The following HECW1 variants were observed in gnomAD, a reference collection of about 807,000 sequenced individuals.
The protein encoded by HECW1 is E3 ubiquitin-protein ligase HECW1.
HECW1 carries 61 observed loss-of-function variants against 182.3 expected under a neutral mutation model. The observed-to-expected ratio is 0.33, with a 90% CI of 0.27 to 0.41. The LOEUF (loss-of-function observed/expected upper bound fraction) is 0.41, where lower values mean the gene tolerates loss of function less well. HECW1 is among the 10% of genes least tolerant of loss of function. The pLI is 1.00. For missense variants in HECW1, 1,739 were observed against 2,108.9 expected, an observed-to-expected ratio of 0.82 and a Z score of 3.44; for synonymous variants, 859 against 832.6, an observed-to-expected ratio of 1.03 and a Z score of -0.55.
chr7:43,278,898 C>T (rs1803525361), intron 3 of HECW1, among the ~76,000 whole-genome samples: 5 of 152,214 alleles, frequency 3.3e-5, no homozygotes, highest in Admixed American at 2.6e-4. Flanking sequence ...ATTTACCTAA[C>T]TGTCTTGTTT....
intron 3 of HECW1, among the ~76,000 whole-genome samples, chr7:43,288,301 G>A (rs1009168095): frequency 2.0e-5 from 3 of 152,162 alleles, no homozygotes; most frequent in African/African-American, 4.8e-5. Context: ...AAGTGACACT[G>A]TCAAAATCCG....
At chr7:43,426,068 CT>C (rs1259236707) in intron 8 of HECW1, among the ~76,000 whole-genome samples, 1 of 152,052 alleles carries the variant, frequency 6.6e-6, no homozygotes, top group Non-Finnish European at 1.5e-5. Flanking sequence ...TCAAAATTTT[CT>C]TGCTAACAAG....
chr7:43,287,013 G>T (rs1239438340), intron 3 of HECW1, among the ~76,000 whole-genome samples: 1 of 152,124 alleles, frequency 6.6e-6, no homozygotes, highest in African/African-American at 2.4e-5. Context: ...ATGATGGTTG[G>T]GGGTAGCGGG....
At chr7:43,227,651 T>C (rs1235787945) in intron 2 of HECW1, among the ~76,000 whole-genome samples, 1 of 152,244 alleles carries the variant, frequency 6.6e-6, no homozygotes, top group Non-Finnish European at 1.5e-5. Flanking sequence ...ATTGACATTT[T>C]TTCTTACTTG....
intron 5 of HECW1, among the ~76,000 whole-genome samples, chr7:43,344,665 G>A (rs1813445247): frequency 6.6e-6 from 1 of 152,046 alleles, no homozygotes; most frequent in Non-Finnish European, 1.5e-5. Flanking sequence ...CTATCTGCTA[G>A]TATCCTGTGT....
intron 2 of HECW1, among the ~76,000 whole-genome samples, chr7:43,165,964 A>G (rs1259705546): frequency 2.0e-5 from 3 of 152,170 alleles, no homozygotes; most frequent in African/African-American, 7.2e-5. Flanking sequence ...CAATTATTCA[A>G]CCAGTGTCTA....
chr7:43,504,374 C>T (rs2079492663), intron 21 of HECW1, among the ~76,000 whole-genome samples: 1 of 152,198 alleles, frequency 6.6e-6, no homozygotes, highest in Non-Finnish European at 1.5e-5. Context: ...CTACTACCAC[C>T]CTTTGGCCTC....
At chr7:43,249,515 A>G (rs972768223) in intron 3 of HECW1, 2 of 152,214 alleles carry the variant, frequency 1.3e-5, no homozygotes, top group African/African-American at 4.8e-5. Context: ...ACTGTCTTTT[A>G]AACATATTTT....
At chr7:43,521,149 C>T (rs1440266774) in intron 24 of HECW1, among the ~76,000 whole-genome samples, 1 of 152,214 alleles carries the variant, frequency 6.6e-6, no homozygotes, top group Non-Finnish European at 1.5e-5. Context: ...TCTCAGAATT[C>T]ATATGTTGAA....
chr7:43,339,389 T>C (rs1320794606), intron 5 of HECW1, among the ~76,000 whole-genome samples: 1 of 152,246 alleles, frequency 6.6e-6, no homozygotes. Flanking sequence ...CCTGATCTCC[T>C]GCTAAACACA....
intron 4 of HECW1, among the ~76,000 whole-genome samples, chr7:43,317,276 C>T (rs1364098120): frequency 6.6e-6 from 1 of 152,198 alleles, no homozygotes; most frequent in Non-Finnish European, 1.5e-5. Flanking sequence ...TTGCCACTGG[C>T]TGGTCACTGT....
chr7:43,456,518 C>T, intron 13 of HECW1, 71 bp downstream of exon 13: 2 of 1,479,776 alleles, frequency 1.4e-6, no homozygotes, highest in Non-Finnish European at 9.2e-7. Flanking sequence ...AGACGCTCCC[C>T]TTACACTTTT....
intron 16 of HECW1, among the ~76,000 whole-genome samples, chr7:43,470,845 G>A (rs1394562824): frequency 6.6e-6 from 1 of 152,176 alleles, no homozygotes; most frequent in African/African-American, 2.4e-5. Flanking sequence ...ACCATGTAGT[G>A]AATTGCTGGG....
chr7:43,357,705 G>A (rs77624811), intron 5 of HECW1, among the ~76,000 whole-genome samples: 4,925 of 151,552 alleles, frequency 0.032, 95 homozygotes, highest in Middle Eastern at 0.042. Flanking sequence ...TTTATAATAT[G>A]TTTTTATATA....
At chr7:43,518,000 C>T (rs1034622808) in intron 24 of HECW1, among the ~76,000 whole-genome samples, 7 of 151,928 alleles carry the variant, frequency 4.6e-5, no homozygotes, top group Non-Finnish European at 7.4e-5. Flanking sequence ...GGGTATGCAA[C>T]CAAAAGAAAA....
At chr7:43,286,879 C>G (rs940132875) in intron 3 of HECW1, among the ~76,000 whole-genome samples, 6 of 152,152 alleles carry the variant, frequency 3.9e-5, no homozygotes, top group Non-Finnish European at 8.8e-5. Context: ...TTTAAGTTGT[C>G]CATACTAATG....
At chr7:43,412,180 GTTAATTTTGTACCACT>G (rs1305188539) in intron 8 of HECW1, among the ~76,000 whole-genome samples, 2 of 152,004 alleles carry the variant, frequency 1.3e-5, no homozygotes, top group East Asian at 3.8e-4. Context: ...TCTACATTGA[GTTAATTTTGTACCACT>G]TTACATAAAA....
chr7:43,199,564 T>C (rs1794843903), intron 2 of HECW1, among the ~76,000 whole-genome samples: 1 of 152,214 alleles, frequency 6.6e-6, no homozygotes, highest in African/African-American at 2.4e-5. Flanking sequence ...CACTATGTCA[T>C]ATGTCCTGTC....
chr7:43,529,015 G>T (rs945568311), intron 24 of HECW1, among the ~76,000 whole-genome samples: 2 of 152,054 alleles, frequency 1.3e-5, no homozygotes, highest in African/African-American at 4.8e-5. Context: ...ATAAAGGTGG[G>T]TGTAGAGAAT....
Sources: gnomAD v4.1 joint callset for allele counts (sites outside exome capture counted in the v4.1 genomes callset) on GRCh38, gnomAD v4.1.1 for gene constraint, MANE v1.5 for transcripts, NCBI Gene and HGNC (gene_info 2026-07-23, HGNC 2026-07-21) for gene names.